Variants in PCDHGA7 observed in about 807,000 individuals in gnomAD.
PCDHGA7 encodes protocadherin gamma subfamily A, 7, also known as protocadherin gamma-A7.
Under a neutral mutation model 58.3 loss-of-function variants are expected in PCDHGA7, and 44 were observed. The observed-to-expected ratio is 0.75, with a 90% confidence interval of 0.59 to 0.97. PCDHGA7 has a LOEUF of 0.97. PCDHGA7 is among the 50% of genes least tolerant of loss of function. PCDHGA7 has a pLI of 0.00. For missense variants in PCDHGA7, 1,266 were observed against 1,188.7 expected, an observed-to-expected ratio of 1.06 and a Z score of -0.96; for synonymous variants, 516 against 504.2, an observed-to-expected ratio of 1.02 and a Z score of -0.31.
chr5:141,390,386 A>C, intron 1 of PCDHGA7: 2 of 1,432,848 alleles, frequency 1.4e-6, no homozygotes, highest in Non-Finnish European at 1.9e-6. Context: ...TTTAGATGTC[A>C]TGGATCATTT....
Position 141,384,818 on chromosome 5 carries a change from A to G in PCDHGA7, c.1919A>G (p.Gln640Arg). 1 of 1,613,488 alleles carries G rather than the reference A, an allele frequency of 6.2e-7. No individual in the cohort carries two copies. Among genetic ancestry groups the G allele is most frequent in the East Asian group, 2.2e-5 (1 of 44,874 alleles). The change falls in exon 1 of 4, where the codon CAG becomes CGG. Residue 640 changes from glutamine to arginine, a missense_variant. Gln to Arg is a conservative substitution (Grantham distance 43). Transcript: ENST00000518325. Reference sequence around the variant, plus strand: ...CTGCTGGACAGAGATGCCCTCAAGCAGAGCCTCGTGGTGGCCGTCCAGGAC... The same window carrying G: ...CTGCTGGACAGAGATGCCCTCAAGCGGAGCCTCGTGGTGGCCGTCCAGGAC... ...RALLDRDALK[Q>R]SLVVAVQDHG... is the part of the protein sequence containing the mutation.
In PCDHGA7 at chr5:141,487,737, T is replaced by G. The variant is rs1019622307; in HGVS notation, c.2425-7070T>G. 1 of 1,563,758 alleles carries G rather than the reference T, an allele frequency of 6.4e-7. No homozygotes were observed. The highest frequency in any genetic ancestry group is 8.7e-7 in the Non-Finnish European group (1 of 1,152,772). On this transcript the variant is annotated intron_variant, in intron 1 of 3. Transcript: ENST00000518325. This position sits in a 1 kb window ranked among gnomAD's most constrained non-coding sequence, Gnocchi z 5.0. ...GCCCATAGTGATGTCACCATTTTTG[T>G]AAGAGGTAACTATGTGGTAGACGCT...
At position 141,418,204 on chromosome 5, in the gene PCDHGA7, T is replaced by G. The variant is rs1456912993; in HGVS notation, c.2424+32881T>G. ...AAGCTGTGGTGGAAAATCCTTTAAATATTTTTCATGTCATTGTGGTGATTG... is the reference window on the plus strand; with the variant it reads ...AAGCTGTGGTGGAAAATCCTTTAAAGATTTTTCATGTCATTGTGGTGATTG... On this transcript the variant is annotated intron_variant, in intron 1 of 3. Transcript: ENST00000518325. The G allele has an allele frequency of 2.5e-6, 4 of 1,614,054 alleles. No homozygotes were observed. The East Asian group carries it at 8.9e-5, about 36-fold the overall frequency.
chr5:141,388,572 G>A, intron 1 of PCDHGA7: 6 of 1,613,808 alleles, frequency 3.7e-6, no homozygotes, highest in South Asian at 2.2e-5. Flanking sequence ...ACAGATACAC[G>A]TTCTAGTGAC....
intron 1 of PCDHGA7, chr5:141,405,262 C>T (rs1352663124): frequency 1.9e-6 from 3 of 1,614,012 alleles, no homozygotes; most frequent in Non-Finnish European, 2.5e-6. Context: ...ACCTGATCTT[C>T]CCCCAGCCCA....
At chr5:141,458,899 T>A (rs1398965632) in intron 1 of PCDHGA7, among the ~76,000 whole-genome samples, 2 of 152,106 alleles carry the variant, frequency 1.3e-5, no homozygotes, top group African/African-American at 2.4e-5. Context: ...GCGCAGCTAA[T>A]TTTTTCTATT....
chr5:141,398,586 A>C, intron 1 of PCDHGA7: 1 of 1,614,054 alleles, frequency 6.2e-7, no homozygotes, highest in Admixed American at 1.7e-5. Flanking sequence ...CAAGATTTAT[A>C]CTAGAAGTAG....
intron 1 of PCDHGA7, chr5:141,419,148 C>A: frequency 6.2e-7 from 1 of 1,613,940 alleles, no homozygotes; most frequent in Admixed American, 1.7e-5. Flanking sequence ...AGGGGCAAGC[C>A]TCCGTTATCC....
rs1688094877 is a variant in PCDHGA7 at position 141,432,625 on chromosome 5, C to T, written c.2424+47302C>T. 1.2e-6 allele frequency: 2 copies of T among 1,613,240 alleles called. No individual in the cohort carries two copies. The highest frequency in any genetic ancestry group is 1.7e-6 in the Non-Finnish European group (2 of 1,179,778). ...CGGGACTCTTCTCGGTGGGTCTGCA[C>T]ACGGGCGAGGTGCGCACGGCGCGAG... On this transcript the variant is annotated intron_variant, in intron 1 of 3. Coordinates refer to ENST00000518325, the MANE Select transcript of PCDHGA7 (RefSeq NM_018920.4). The surrounding 1 kb of genome is among the most constrained non-coding windows in gnomAD (Gnocchi z 6.0).
In PCDHGA7 at chr5:141,399,918, C is replaced by T. The variant is rs1163309827; in HGVS notation, c.2424+14595C>T. On this transcript the variant is annotated intron_variant, in intron 1 of 3. Coordinates refer to ENST00000518325, the MANE Select transcript of PCDHGA7 (RefSeq NM_018920.4). ...CCGTGGACGCAGACTCAGGACACAA[C>T]GCCTGGCTGTCCTACCACGTGCTGC... The T allele has an allele frequency of 4.3e-6, 7 of 1,612,240 alleles. No individual in the cohort carries two copies. In the East Asian group the frequency reaches 8.9e-5, roughly 21 times the overall value.
chr5:141,431,090 G>C lies in PCDHGA7; in HGVS notation c.2424+45767G>C. On this transcript the variant is annotated intron_variant, in intron 1 of 3. Transcript: ENST00000518325. The surrounding 1 kb of genome is among the most constrained non-coding windows in gnomAD (Gnocchi z 4.8). ...TCAATTAAATCTAGACATTCTGATG[G>C]AGGATAAAGTGAAAATATATGGAGT... is the stretch of plus-strand genomic sequence containing the variant. 6.2e-7 allele frequency: 1 copy of C among 1,614,246 alleles called. No homozygotes were observed. The highest frequency in any genetic ancestry group is 8.5e-7 in the Non-Finnish European group (1 of 1,180,032).
chr5:141,422,938 G>A (rs1226350240), intron 1 of PCDHGA7: 2 of 1,614,116 alleles, frequency 1.2e-6, no homozygotes, highest in Non-Finnish European at 1.7e-6. Flanking sequence ...CCTCCCCACA[G>A]ACGGCTCCAC....
At chr5:141,449,521 G>A (rs1238503983) in intron 1 of PCDHGA7, among the ~76,000 whole-genome samples, 4 of 150,262 alleles carry the variant, frequency 2.7e-5, no homozygotes, top group African/African-American at 9.8e-5. Flanking sequence ...CCTGGGAGGC[G>A]GAGGTTGCAG....
chr5:141,421,374 C>G, intron 1 of PCDHGA7: 1 of 1,614,062 alleles, frequency 6.2e-7, no homozygotes, highest in Non-Finnish European at 8.5e-7. Context: ...TGGGCAATAT[C>G]TCCAAGGACC....
In PCDHGA7 at chr5:141,511,223, A is replaced by G. The variant is rs1193308928; in HGVS notation, c.*50A>G. On this transcript the variant is annotated 3_prime_UTR_variant, in exon 4 of 4. Transcript: ENST00000518325. ...AGGGCGGCCTCTCCCCAACCAGCCC[A>G]GCTTCTCCTTACCTGCACCCAGGCC... 1 of 1,604,390 alleles carries G rather than the reference A, an allele frequency of 6.2e-7. No individual in the cohort carries two copies.
At chr5:141,507,676 A>G (rs2099862523) in intron 3 of PCDHGA7, among the ~76,000 whole-genome samples, 1 of 152,252 alleles carries the variant, frequency 6.6e-6, no homozygotes, top group African/African-American at 2.4e-5. Flanking sequence ...TCCAGATGTT[A>G]AAAACAGAAA....
At chr5:141,393,886 A>G (rs944974638) in intron 1 of PCDHGA7, 3 of 1,614,034 alleles carry the variant, frequency 1.9e-6, no homozygotes, top group Admixed American at 1.7e-5. Context: ...CCAGTGTTAG[A>G]AAATTCTCTT....
intron 1 of PCDHGA7, among the ~76,000 whole-genome samples, chr5:141,397,331 TA>T (rs1194266776): frequency 2.0e-5 from 3 of 152,214 alleles, no homozygotes; most frequent in Non-Finnish European, 4.4e-5. Flanking sequence ...AAATTATTTT[TA>T]TAAAGAATGT....
rs758266181 is a variant in PCDHGA7 at position 141,476,561 on chromosome 5, G to A, written c.2425-18246G>A. 1.9e-6 allele frequency: 3 copies of A among 1,614,100 alleles called. No homozygotes were observed. The highest frequency in any genetic ancestry group is 2.5e-6 in the Non-Finnish European group (3 of 1,180,050). Reference sequence around the variant, plus strand: ...GAAATTGGAGATTAGCGAGGCCGTGGCTCCGGGGACGCGCTTTCCGCTCGA... The same window carrying A: ...GAAATTGGAGATTAGCGAGGCCGTGACTCCGGGGACGCGCTTTCCGCTCGA... On this transcript the variant is annotated intron_variant, in intron 1 of 3. Coordinates refer to ENST00000518325, the MANE Select transcript of PCDHGA7 (RefSeq NM_018920.4). This position sits in a 1 kb window ranked among gnomAD's most constrained non-coding sequence, Gnocchi z 7.6.
Sources: gnomAD v4.1 joint callset for allele counts (sites outside exome capture counted in the v4.1 genomes callset) on GRCh38, gnomAD v4.1.1 for gene constraint, Gnocchi (gnomAD v3.1) non-coding constraint, MANE v1.5 for transcripts, NCBI Gene and HGNC (gene_info 2026-07-23, HGNC 2026-07-21) for gene names.